The following PDE3A variants were observed in gnomAD, a reference collection of about 807,000 sequenced individuals.
PDE3A encodes cGMP-inhibited 3',5'-cyclic phosphodiesterase 3A.
PDE3A carries 43 observed loss-of-function variants against 98.3 expected under a neutral mutation model. The observed-to-expected ratio is 0.44, with a 90% CI of 0.34 to 0.56. The LOEUF (loss-of-function observed/expected upper bound fraction) is 0.56, where lower values mean the gene tolerates loss of function less well. Among genes scored for constraint, PDE3A ranks in the 20% least tolerant of loss-of-function variants. The pLI, the probability that PDE3A is intolerant of heterozygous loss-of-function variation, is 0.01. For synonymous variants in PDE3A, 663 were observed against 567.9 expected (o/e 1.17, Z -2.38); for missense variants, 1,427 against 1,440.7 (o/e 0.99, Z 0.15).
intron 1 of PDE3A, among the ~76,000 whole-genome samples, chr12:20,528,833 A>C (rs570693489): frequency 7.7e-6 from 1 of 130,382 alleles, no homozygotes; most frequent in South Asian, 2.8e-4. Flanking sequence ...TATCCTGAGA[A>C]GTATATATTT....
chr12:20,492,574 C>T (rs995201332), intron 1 of PDE3A, among the ~76,000 whole-genome samples: 1 of 152,134 alleles, frequency 6.6e-6, no homozygotes, highest in Admixed American at 6.5e-5. Context: ...ACCAAAGGCA[C>T]GAGGAGAGGG....
At chr12:20,409,551 G>A (rs1334280133) in intron 1 of PDE3A, among the ~76,000 whole-genome samples, 5 of 152,138 alleles carry the variant, frequency 3.3e-5, no homozygotes, top group Admixed American at 2.6e-4. Context: ...GTCTTTGCTT[G>A]TAATGAATAC....
chr12:20,616,226 C>A lies in PDE3A; in HGVS notation c.1270-4C>A, dbSNP rs866949020. On this transcript the variant is annotated splice_region_variant and splice_polypyrimidine_tract_variant and intron_variant, in intron 3 of 15. Coordinates refer to ENST00000359062, the MANE Select transcript of PDE3A (RefSeq NM_000921.5). The stretch of plus-strand genomic sequence containing the variant: ...TGGGTAATGAAGTCAAGTCTCTTTC[C>A]TAGCGCCTGAGAAGGAGTTTGCCTC... 2 of 1,613,346 alleles carry A rather than the reference C, an allele frequency of 1.2e-6. No homozygotes were observed. Among genetic ancestry groups the A allele is most frequent in the Admixed American group, 3.3e-5 (2 of 59,986 alleles).
At chr12:20,381,882 GT>G (rs1270178497) in intron 1 of PDE3A, among the ~76,000 whole-genome samples, 1 of 151,568 alleles carries the variant, frequency 6.6e-6, no homozygotes, top group East Asian at 1.9e-4. Flanking sequence ...CTTCTCCCCT[GT>G]TGATAATTAT....
intron 15 of PDE3A, among the ~76,000 whole-genome samples, chr12:20,659,293 T>C (rs1431867969): frequency 6.6e-6 from 1 of 152,156 alleles, no homozygotes; most frequent in East Asian, 1.9e-4. Context: ...TCACTGTGTT[T>C]TAAAAATTAA....
intron 10 of PDE3A, among the ~76,000 whole-genome samples, chr12:20,642,258 G>T (rs7968295): frequency 0.22 from 33,476 of 151,916 alleles, 3,873 homozygotes; most frequent in African/African-American, 0.27. Flanking sequence ...AAGTAGGAAA[G>T]CTTTTAAATT....
At chr12:20,378,679 A>T (rs916894002) in intron 1 of PDE3A, among the ~76,000 whole-genome samples, 5 of 151,794 alleles carry the variant, frequency 3.3e-5, no homozygotes, top group Admixed American at 2.0e-4. Context: ...GAGTTCTTGA[A>T]GAAGCTAGCT....
At chr12:20,631,664 G>T (rs1204923975) in intron 6 of PDE3A, among the ~76,000 whole-genome samples, 1 of 149,780 alleles carries the variant, frequency 6.7e-6, no homozygotes, top group African/African-American at 2.5e-5. Flanking sequence ...GTTCAGAAAA[G>T]CTCTACCACT....
At chr12:20,620,743 G>T (rs529962311) in intron 4 of PDE3A, among the ~76,000 whole-genome samples, 1 of 151,834 alleles carries the variant, frequency 6.6e-6, no homozygotes, top group East Asian at 1.9e-4. Flanking sequence ...TCCATTGTTG[G>T]CATGTCCCTT....
chr12:20,544,132 CT>C (rs1328521346), intron 1 of PDE3A, among the ~76,000 whole-genome samples: 1 of 150,352 alleles, frequency 6.7e-6, no homozygotes, highest in Non-Finnish European at 1.5e-5. Context: ...ATTTTTTATG[CT>C]TACATAGAGC....
chr12:20,413,528 G>C (rs899199564), intron 1 of PDE3A, among the ~76,000 whole-genome samples: 24 of 152,268 alleles, frequency 1.6e-4, no homozygotes, highest in African/African-American at 5.1e-4. Context: ...ACAAGAGAGA[G>C]CTGTGCTGTA....
chr12:20,672,341 A>T (rs1945505851), intron 15 of PDE3A, among the ~76,000 whole-genome samples: 1 of 131,030 alleles, frequency 7.6e-6, no homozygotes, highest in Non-Finnish European at 1.6e-5. Flanking sequence ...GAATTGGAAA[A>T]AACTACTTTA....
rs574125608 is a variant in PDE3A, at chr12:20,458,560, CCTA to C, written c.960+88319_960+88321del. On this transcript the variant is annotated intron_variant, in intron 1 of 15. Coordinates refer to ENST00000359062, the MANE Select transcript of PDE3A (RefSeq NM_000921.5). Reference sequence around the variant, plus strand: ...TGCAGAAAACTGTGGTGACATTCAACCTACTGCCTGCCTGGGAGGAGTTTTCAC... The same window carrying C: ...TGCAGAAAACTGTGGTGACATTCAACCTGCCTGCCTGGGAGGAGTTTTCAC... Among the ~76,000 whole-genome samples the C allele has an allele frequency of 4.4e-3, 675 of 152,202 alleles. 7 individuals are homozygous for C. The highest frequency in any genetic ancestry group is 0.015 in the African/African-American group (637 of 41,524).
chr12:20,549,362 T>C (rs10770668), intron 1 of PDE3A, among the ~76,000 whole-genome samples: 69,012 of 148,034 alleles, frequency 0.47, 17,863 homozygotes, highest in South Asian at 0.59. Flanking sequence ...TCTGACACTA[T>C]GCAGTCCCTA....
intron 1 of PDE3A, chr12:20,371,344 T>C: frequency 1.0e-6 from 1 of 985,250 alleles, no homozygotes; most frequent in Non-Finnish European, 1.2e-6. Context: ...TTGAAGTGGA[T>C]TTGACACTTG....
rs1009503568 is a variant in PDE3A, at chr12:20,613,440, C to T, written c.1012-3C>T. On this transcript the variant is annotated splice_region_variant and splice_polypyrimidine_tract_variant and intron_variant, in intron 2 of 15. Coordinates refer to ENST00000359062, the MANE Select transcript of PDE3A (RefSeq NM_000921.5). ...CCTGATCTTGTCTTGGTTTGTGTCTCAGTCTTCAGGAACCAGTATTACTGT... is the reference window on the plus strand; with the variant it reads ...CCTGATCTTGTCTTGGTTTGTGTCTTAGTCTTCAGGAACCAGTATTACTGT... 1 of 1,613,968 alleles carries T rather than the reference C, an allele frequency of 6.2e-7. No homozygotes were observed. Among genetic ancestry groups the T allele is most frequent in the Non-Finnish European group, 8.5e-7 (1 of 1,179,868 alleles).
intron 1 of PDE3A, among the ~76,000 whole-genome samples, chr12:20,548,704 T>G (rs1942122439): frequency 6.6e-6 from 1 of 152,122 alleles, no homozygotes; most frequent in Non-Finnish European, 1.5e-5. Context: ...CAAAATGAAT[T>G]ATTTTGCAAA....
intron 2 of PDE3A, among the ~76,000 whole-genome samples, chr12:20,588,502 C>T (rs899054192): frequency 6.6e-6 from 1 of 152,284 alleles, no homozygotes; most frequent in East Asian, 1.9e-4. Flanking sequence ...ATCGTGACAG[C>T]TGCGGAAACA....
intron 1 of PDE3A, chr12:20,551,780 C>G: frequency 6.2e-7 from 1 of 1,613,818 alleles, no homozygotes; most frequent in South Asian, 1.1e-5. Context: ...AAGAAGAAGG[C>G]GAAGATGGCC....
Sources: allele counts gnomAD v4.1 joint callset (sites outside exome capture counted in the v4.1 genomes callset), GRCh38; gene constraint gnomAD v4.1.1; transcripts MANE v1.5; gene names NCBI Gene and HGNC (gene_info 2026-07-23, HGNC 2026-07-21).